The following TBC1D32 variants were observed in gnomAD, a reference collection of about 807,000 sequenced individuals.
TBC1D32 encodes the protein TBC1 domain family member 32.
TBC1D32 carries 151 observed loss-of-function variants against 170.3 expected under a neutral mutation model. That is an observed-to-expected ratio of 0.89 (90% CI 0.78 to 1.01). TBC1D32 has a LOEUF of 1.01. TBC1D32 is among the 50% of genes least tolerant of loss of function. TBC1D32 has a pLI of 0.00. For missense variants in TBC1D32, 1,464 were observed against 1,457.1 expected, an observed-to-expected ratio of 1.00 and a Z score of -0.08; for synonymous variants, 498 against 488.0, an observed-to-expected ratio of 1.02 and a Z score of -0.27.
intron 15 of TBC1D32, among the ~76,000 whole-genome samples, chr6:121,267,322 C>A (rs9482129): frequency 6.6e-6 from 1 of 152,270 alleles, no homozygotes; most frequent in African/African-American, 2.4e-5. Context: ...GGCGGGGCAT[C>A]GCCTTGAAAG....
chr6:121,264,531 T>C (rs1007106367), intron 15 of TBC1D32, among the ~76,000 whole-genome samples: 1 of 152,122 alleles, frequency 6.6e-6, no homozygotes, highest in Non-Finnish European at 1.5e-5. Flanking sequence ...TTCCTAACAA[T>C]TAAAAGGAAG....
intron 17 of TBC1D32, among the ~76,000 whole-genome samples, chr6:121,246,153 A>G (rs1797569273): frequency 6.6e-6 from 1 of 152,162 alleles, no homozygotes; most frequent in African/African-American, 2.4e-5. Context: ...ACACAGGAGA[A>G]TGAGATAAGC....
At chr6:121,263,941 T>A (rs1800106320) in intron 15 of TBC1D32, among the ~76,000 whole-genome samples, 1 of 151,982 alleles carries the variant, frequency 6.6e-6, no homozygotes, top group Non-Finnish European at 1.5e-5. Context: ...TAAAGCAGTG[T>A]TAGGAGGGAA....
chr6:121,264,555 A>T (rs901298796), intron 15 of TBC1D32, among the ~76,000 whole-genome samples: 4 of 152,192 alleles, frequency 2.6e-5, no homozygotes, highest in Admixed American at 1.3e-4. Context: ...TTCCTTCCTA[A>T]CTCATTTTAT....
intron 12 of TBC1D32, among the ~76,000 whole-genome samples, chr6:121,289,913 C>T (rs147201369): frequency 0.018 from 2,677 of 152,184 alleles, 26 homozygotes; most frequent in South Asian, 0.042. Flanking sequence ...ATTCCCTATT[C>T]AATAAATGGT....
intron 1 of TBC1D32, among the ~76,000 whole-genome samples, chr6:121,324,553 C>A (rs1008636927): frequency 6.6e-6 from 1 of 151,986 alleles, no homozygotes; most frequent in African/African-American, 2.4e-5. Flanking sequence ...AAAACAAAAC[C>A]CAAAGTTTAC....
At chr6:121,279,529 G>A (rs1397622867) in intron 14 of TBC1D32, among the ~76,000 whole-genome samples, 1 of 151,840 alleles carries the variant, frequency 6.6e-6, no homozygotes, top group Non-Finnish European at 1.5e-5. Context: ...AATTCTGGTT[G>A]GCAAATGTAG....
At chr6:121,321,587 CTTG>C in intron 2 of TBC1D32, 43 bp downstream of exon 2, 1 of 1,572,436 alleles carries the variant, frequency 6.4e-7, no homozygotes, top group Non-Finnish European at 8.7e-7. Flanking sequence ...GTCAAGACGT[CTTG>C]TTGAAGAAGG....
chr6:121,331,247 C>A (rs1388554656), intron 1 of TBC1D32, among the ~76,000 whole-genome samples: 1 of 152,106 alleles, frequency 6.6e-6, no homozygotes, highest in Admixed American at 6.5e-5. Flanking sequence ...CTCTCTCTGT[C>A]ACCCAGGCTG....
intron 15 of TBC1D32, among the ~76,000 whole-genome samples, chr6:121,267,799 C>T (rs150187334): frequency 2.0e-5 from 3 of 151,622 alleles, no homozygotes; most frequent in African/African-American, 7.2e-5. Flanking sequence ...CAAGTGGGTC[C>T]CTCCCTCCTC....
intron 12 of TBC1D32, among the ~76,000 whole-genome samples, chr6:121,291,181 C>T (rs1457502057): frequency 6.6e-6 from 1 of 151,712 alleles, no homozygotes; most frequent in Non-Finnish European, 1.5e-5. Context: ...AAACCAGGTA[C>T]TCCACATAAA....
chr6:121,146,532 GAGA>G (rs1783470306), intron 24 of TBC1D32, among the ~76,000 whole-genome samples: 1 of 152,112 alleles, frequency 6.6e-6, no homozygotes, highest in Admixed American at 6.5e-5. Flanking sequence ...CATGGGGAAG[GAGA>G]AGAAGGTTTG....
chr6:121,288,636 C>G lies in TBC1D32; in HGVS notation c.1372+3417G>C, dbSNP rs1008831699. Among the ~76,000 whole-genome samples the G allele has an allele frequency of 1.4e-4, 22 of 152,238 alleles. No homozygotes were observed. The South Asian group carries it at 2.7e-3, about 19-fold the overall frequency. On this transcript the variant is annotated intron_variant, in intron 12 of 31. Coordinates refer to ENST00000398212, the MANE Select transcript of TBC1D32 (RefSeq NM_152730.6). The stretch of plus-strand genomic sequence containing the variant: ...CCAATCAATAGAAAAAGAGGGAATC[C>G]TCTCTAACTCATTTTATGAGGCCAG...
chr6:121,144,298 G>T lies in TBC1D32; in HGVS notation c.2774-12546C>A, dbSNP rs111279708. 4.6e-5 allele frequency among the ~76,000 whole-genome samples: 7 copies of T among 152,230 alleles called. 1 individual carries two copies. The highest frequency in any genetic ancestry group is 2.6e-4 in the Admixed American group (4 of 15,278). On this transcript the variant is annotated intron_variant, in intron 24 of 31. Transcript: ENST00000398212. ...TACAGGGAAGTCACTGAAGGATTTC[G>T]ATTAGAAGAGTAATATGATCTAACC...
In TBC1D32 at chr6:121,241,488, C is replaced by T. The variant is rs900326039; in HGVS notation, c.2222G>A (p.Gly741Asp). The T allele has an allele frequency of 1.9e-6, 3 of 1,613,224 alleles. No individual in the cohort carries two copies. The African/African-American group carries it at 4.0e-5, about 22-fold the overall frequency. Residue 741 changes from glycine to aspartate, a missense_variant, in exon 19 of 32, where the codon GGT (glycine) becomes GAT (aspartate). Gly to Asp is a moderately conservative substitution (Grantham distance 94). Coordinates refer to ENST00000398212, the MANE Select transcript of TBC1D32 (RefSeq NM_152730.6). Reference protein sequence around the residue: ...LVTRVASTAAGGIALKKSGFI... With the variant: ...LVTRVASTAADGIALKKSGFI... Reference sequence around the variant, plus strand: ...ACCTGACTTTTTTAGTGCAATGCCACCTGCTGCTGTTGATGCCACTCGTGT... The same window carrying T: ...ACCTGACTTTTTTAGTGCAATGCCATCTGCTGCTGTTGATGCCACTCGTGT...
At chr6:121,142,720 C>T (rs1782945547) in intron 24 of TBC1D32, among the ~76,000 whole-genome samples, 2 of 152,146 alleles carry the variant, frequency 1.3e-5, no homozygotes, top group African/African-American at 2.4e-5. Context: ...ATTTCCCATA[C>T]TCCTCTGAGA....
At chr6:121,274,957 T>C (rs1045138210) in intron 15 of TBC1D32, among the ~76,000 whole-genome samples, 1 of 152,014 alleles carries the variant, frequency 6.6e-6, no homozygotes, top group Non-Finnish European at 1.5e-5. Context: ...CATTGAAAAT[T>C]GTAGCAACAA....
chr6:121,147,757 A>G (rs1783653539), intron 24 of TBC1D32, among the ~76,000 whole-genome samples: 1 of 151,720 alleles, frequency 6.6e-6, no homozygotes, highest in South Asian at 2.1e-4. Context: ...ACACCTGGCT[A>G]ATTTTTTTGT....
At chr6:121,241,719 G>GA (rs1337749205) in intron 18 of TBC1D32, among the ~76,000 whole-genome samples, 167 bp from the exon 19 acceptor site, 7 of 152,124 alleles carry the variant, frequency 4.6e-5, no homozygotes, top group African/African-American at 1.4e-4. Flanking sequence ...TAGTATGACA[G>GA]AAAAAAAGCT....
Sources: allele counts gnomAD v4.1 joint callset (sites outside exome capture counted in the v4.1 genomes callset), GRCh38; gene constraint gnomAD v4.1.1; transcripts MANE v1.5; gene names NCBI Gene and HGNC (gene_info 2026-07-23, HGNC 2026-07-21).